The following COL1A2 variants were observed in gnomAD, a reference collection of about 807,000 sequenced individuals.
COL1A2 encodes the protein collagen alpha-2(I) chain.
COL1A2 carries 49 observed loss-of-function variants against 174.3 expected under a neutral mutation model. The ratio of observed to expected loss-of-function variants is 0.28; its 90% CI spans 0.22 to 0.36. COL1A2 has a LOEUF of 0.36. COL1A2 is among the 10% of genes least tolerant of loss of function. The pLI is 1.00. For synonymous variants in COL1A2, 655 were observed against 606.6 expected (o/e 1.08, Z -1.17); for missense variants, 1,438 against 1,822.7 (o/e 0.79, Z 3.84).
chr7:94,400,347 G>A, intron 5 of COL1A2, 59 bp downstream of exon 5: 3 of 1,422,036 alleles, frequency 2.1e-6, no homozygotes, highest in Non-Finnish European at 3.0e-6. Flanking sequence ...AAGGTTTATT[G>A]TGGAATTTAT....
chr7:94,421,904 G>A lies in COL1A2; in HGVS notation c.2355G>A (p.Met785Ile). Residue 785 changes from methionine (M) to isoleucine (I), a missense_variant, in exon 39 of 52, where the codon ATG becomes ATA. This residue lies in a region of COL1A2 where 867 missense variants were observed against 1,213.7 expected (regional missense o/e 0.71). Transcript: ENST00000297268. ...CTAATGTGCTTGGCTCTTAGGGTAT[G>A]ACTGGTTTCCCTGGTGCTGCTGGAC... ...GSRGDGGPPG[M>I]TGFPGAAGRT... The A allele has an allele frequency of 6.2e-7, 1 of 1,614,132 alleles. No individual in the cohort carries two copies. The highest frequency in any genetic ancestry group is 1.1e-5 in the South Asian group (1 of 91,078).
Position 94,430,451 on chromosome 7 carries a change from T to G in COL1A2, c.*58T>G. 6.5e-7 allele frequency: 1 copy of G among 1,528,446 alleles called. No individual in the cohort carries two copies. Among genetic ancestry groups the G allele is most frequent in the South Asian group, 1.1e-5 (1 of 87,882 alleles). 94.7% of individuals were successfully genotyped at this position (1,528,446 alleles called of 1,614,324 possible). A position where few individuals can be genotyped will look rare whatever the true frequency, so the allele number is the denominator to read the frequency against. Reference sequence around the variant, plus strand: ...TTTGAAAAAACTTTCTCTTTGCCATTTCTTCTTCTTCTTTTTTAACTGAAA... The same window carrying G: ...TTTGAAAAAACTTTCTCTTTGCCATGTCTTCTTCTTCTTTTTTAACTGAAA... On this transcript the variant is annotated 3_prime_UTR_variant, in exon 52 of 52. Transcript: ENST00000297268.
At position 94,421,959 on chromosome 7, in the gene COL1A2, A is replaced by T; in HGVS notation, c.2403+7A>T. On this transcript the variant is annotated splice_region_variant and intron_variant, in intron 39 of 51. Transcript: ENST00000297268. The stretch of plus-strand genomic sequence containing the variant: ...TGGTCCCCCAGGACCCTCTGTAAGT[A>T]AATCACTGTAAACGTGTCTTCATTT... 2 of 1,613,834 alleles carry T rather than the reference A, an allele frequency of 1.2e-6. No homozygotes were observed. Among genetic ancestry groups the T allele is most frequent in the Non-Finnish European group, 1.7e-6 (2 of 1,179,744 alleles).
chr7:94,406,588 T>A (rs1299037574), intron 12 of COL1A2, among the ~76,000 whole-genome samples: 2 of 152,102 alleles, frequency 1.3e-5, no homozygotes, highest in Non-Finnish European at 2.9e-5. Context: ...TTCCAGTGTA[T>A]CTCTGCAGCC....
intron 5 of COL1A2, among the ~76,000 whole-genome samples, chr7:94,401,125 G>A (rs1791679553): frequency 6.6e-6 from 1 of 152,122 alleles, no homozygotes; most frequent in South Asian, 2.1e-4. Context: ...ACTCCAGCAA[G>A]AAAAAGATCT....
chr7:94,416,957 G>A (rs895357700), intron 31 of COL1A2: 3 of 161,528 alleles, frequency 1.9e-5, no homozygotes, highest in Non-Finnish European at 4.1e-5. Flanking sequence ...AATTTGTCTG[G>A]AAACTTGTGT....
In COL1A2 at chr7:94,428,392, A is replaced by G; in HGVS notation, c.3626A>G (p.Glu1209Gly). 1.2e-6 allele frequency: 2 copies of G among 1,614,158 alleles called. No homozygotes were observed. Among genetic ancestry groups the G allele is most frequent in the Non-Finnish European group, 1.7e-6 (2 of 1,180,000 alleles). The change falls in exon 50 of 52, where the codon GAA (glutamate) becomes GGA (glycine). Residue 1209 changes from glutamate to glycine, a missense_variant. Physicochemically the swap from Glu to Gly is moderately conservative, Grantham distance 98. Around this residue, in one of 3 missense-constraint regions of COL1A2, gnomAD observed 290 missense variants for 298.1 expected, o/e 0.97. Coordinates refer to ENST00000297268, the MANE Select transcript of COL1A2 (RefSeq NM_000089.4). ...TGETCIRAQP[E>G]NIPAKNWYRS... ...GAAACCTGTATCCGGGCCCAACCTG[A>G]AAACATCCCAGCCAAGAACTGGTAT...
At chr7:94,426,729 A>G in intron 46 of COL1A2, 199 bp downstream of exon 46, 1 of 646,694 alleles carries the variant, frequency 1.5e-6, no homozygotes, top group Non-Finnish European at 2.7e-6. Context: ...GGAGATAGAA[A>G]TAGACATACA....
At chr7:94,402,904 T>C (rs1256029327) in intron 6 of COL1A2, among the ~76,000 whole-genome samples, 1 of 152,176 alleles carries the variant, frequency 6.6e-6, no homozygotes, top group Non-Finnish European at 1.5e-5. Flanking sequence ...AAATTAAAAC[T>C]CCCACTTGAG....
Position 94,413,919 on chromosome 7 carries a change from A to G in COL1A2, c.1637A>G (p.Gln546Arg), listed in dbSNP as rs1233307788. The G allele has an allele frequency of 6.2e-7, 1 of 1,613,958 alleles. No individual in the cohort carries two copies. Among genetic ancestry groups the G allele is most frequent in the Non-Finnish European group, 8.5e-7 (1 of 1,179,916 alleles). The change falls in exon 28 of 52, where the codon CAG becomes CGG. Residue 546 changes from glutamine (Q) to arginine (R), a missense_variant. Coordinates refer to ENST00000297268, the MANE Select transcript of COL1A2 (RefSeq NM_000089.4). Reference protein sequence around the residue: ...PQGVQGGKGEQGPPGPPGFQG... With the variant: ...PQGVQGGKGERGPPGPPGFQG... ...GGTGTTCAAGGTGGAAAAGGTGAAC[A>G]GGGTCCCCCTGGTCCTCCAGGCTTC...
chr7:94,421,702 C>A (rs949196951), intron 38 of COL1A2, among the ~76,000 whole-genome samples, 197 bp from the exon 39 acceptor site: 1 of 152,130 alleles, frequency 6.6e-6, no homozygotes, highest in African/African-American at 2.4e-5. Flanking sequence ...TGGTAATATG[C>A]TGGTAAGGAA....
At position 94,422,978 on chromosome 7, in the gene COL1A2, C is replaced by T. The variant is rs145355907; in HGVS notation, c.2425C>T (p.Pro809Ser). The T allele has an allele frequency of 2.2e-4, 351 of 1,613,946 alleles. No homozygotes were observed. Among genetic ancestry groups the T allele is most frequent in the Non-Finnish European group, 2.3e-4 (277 of 1,179,998 alleles). ...ATAGGGTATTTCTGGCCCTCCTGGT[C>T]CCCCTGGTCCTGCTGGGAAAGAAGG... is the stretch of plus-strand genomic sequence containing the variant. ...GPSGISGPPGPPGPAGKEGLR... is the reference protein window; with the variant it reads ...GPSGISGPPGSPGPAGKEGLR... Residue 809 changes from proline to serine, a missense_variant, in exon 40 of 52, where the codon CCC becomes TCC. Transcript: ENST00000297268.
At chr7:94,419,963 G>A (rs925159779) in intron 34 of COL1A2, among the ~76,000 whole-genome samples, 1 of 152,108 alleles carries the variant, frequency 6.6e-6, no homozygotes, top group Non-Finnish European at 1.5e-5. Context: ...TCAGCCCCGT[G>A]TCCATCTAAA....
At chr7:94,412,276 G>A (rs1489564100) in intron 24 of COL1A2, among the ~76,000 whole-genome samples, 155 bp downstream of exon 24, 4 of 151,932 alleles carry the variant, frequency 2.6e-5, no homozygotes, top group Non-Finnish European at 4.4e-5. Flanking sequence ...TAATTATGGA[G>A]TCCAAATGAA....
chr7:94,415,423 T>G (rs893091457), intron 30 of COL1A2, among the ~76,000 whole-genome samples, 153 bp downstream of exon 30: 1 of 152,224 alleles, frequency 6.6e-6, no homozygotes, highest in Non-Finnish European at 1.5e-5. Flanking sequence ...GATTTCTAAG[T>G]TGATAGTAGA....
chr7:94,429,773 T>C, intron 51 of COL1A2: 1 of 273,844 alleles, frequency 3.7e-6, no homozygotes, highest in Non-Finnish European at 6.9e-6. Flanking sequence ...GAGACTTCAG[T>C]GGCCTAAACT....
chr7:94,411,498 A>C (rs951553110), intron 23 of COL1A2, among the ~76,000 whole-genome samples: 1 of 152,140 alleles, frequency 6.6e-6, no homozygotes. Context: ...AGGACTATAC[A>C]TTTTTGGTTT....
At chr7:94,403,718 A>C (rs757866652) in intron 6 of COL1A2, among the ~76,000 whole-genome samples, 22 of 152,162 alleles carry the variant, frequency 1.4e-4, no homozygotes, top group Non-Finnish European at 1.9e-4. Flanking sequence ...AGCTGATGTC[A>C]TGAACAAATT....
rs1249242891 is a variant in COL1A2, at chr7:94,406,252, A to G, written c.543A>G (p.Gly181=). ...TTATAATAAGGCTTTCCTTTCAGGG[A>G]CACAATGGTCTGGATGGATTGAAGG... ...PGLPGFKGIR[G]HNGLDGLKGQ... is the part of the protein sequence containing the mutation. The change falls in exon 12 of 52, where the codon GGA becomes GGG. Residue 181 remains glycine, a splice_region_variant and synonymous_variant. Transcript: ENST00000297268. 5.6e-6 allele frequency: 9 copies of G among 1,613,896 alleles called. No individual in the cohort carries two copies. The South Asian group carries it at 9.9e-5, about 18-fold the overall frequency.
Sources: gnomAD v4.1 joint callset for allele counts (sites outside exome capture counted in the v4.1 genomes callset) on GRCh38, gnomAD v4.1.1 for gene constraint, gnomAD v4.1.1 regional missense constraint, MANE v1.5 for transcripts, NCBI Gene and HGNC (gene_info 2026-07-23, HGNC 2026-07-21) for gene names.